CLDN10: variants seen among roughly 807,000 people sequenced by gnomAD.
CLDN10 encodes the protein claudin 10, also known as claudin-10.
CLDN10 carries 15 observed loss-of-function variants against 22.9 expected under a neutral mutation model. The ratio of observed to expected loss-of-function variants is 0.65; its 90% CI spans 0.44 to 1.01. The LOEUF (loss-of-function observed/expected upper bound fraction) is 1.01, where lower values mean the gene tolerates loss of function less well. CLDN10 is among the 50% of genes least tolerant of loss of function. The pLI, the probability that CLDN10 is intolerant of heterozygous loss-of-function variation, is 0.00. For synonymous variants in CLDN10, 114 were observed against 111.4 expected, an observed-to-expected ratio of 1.02 and a Z score of -0.15; for missense variants, 247 against 287.8, an observed-to-expected ratio of 0.86 and a Z score of 1.03.
At chr13:95,452,037 T>G (rs541912127) in intron 1 of CLDN10, among the ~76,000 whole-genome samples, 1 of 152,316 alleles carries the variant, frequency 6.6e-6, no homozygotes, top group Admixed American at 6.5e-5. Context: ...CCCTTTTATC[T>G]CTAAGGTTCA....
chr13:95,561,265 A>G (rs1486892238), intron 3 of CLDN10, among the ~76,000 whole-genome samples: 1 of 152,172 alleles, frequency 6.6e-6, no homozygotes, highest in Non-Finnish European at 1.5e-5. Flanking sequence ...TTTAGACTTC[A>G]GGTCAAATTT....
intron 1 of CLDN10, among the ~76,000 whole-genome samples, chr13:95,473,802 C>A (rs151253344): frequency 7.9e-4 from 121 of 152,320 alleles, no homozygotes; most frequent in Middle Eastern, 3.4e-3. Context: ...GAACTCATTT[C>A]ACAGAAAACC....
intron 1 of CLDN10, among the ~76,000 whole-genome samples, chr13:95,494,651 C>T (rs1272835006): frequency 1.3e-5 from 2 of 152,168 alleles, no homozygotes; most frequent in South Asian, 2.1e-4. Flanking sequence ...GTGTTAAATG[C>T]CCGTTACAAA....
intron 1 of CLDN10, among the ~76,000 whole-genome samples, chr13:95,535,667 G>A (rs1045444236): frequency 2.0e-5 from 3 of 150,218 alleles, no homozygotes; most frequent in African/African-American, 2.5e-5. Context: ...ATAGGCACAT[G>A]GGACATCAGA....
chr13:95,551,338 G>A (rs1254556284), upstream of CLDN10, among the ~76,000 whole-genome samples: 1 of 152,182 alleles, frequency 6.6e-6, no homozygotes, highest in East Asian at 1.9e-4. Flanking sequence ...TGAACTGCTG[G>A]TCCTGAAGGG....
At chr13:95,576,775 A>G (rs2043935121) in intron 3 of CLDN10, among the ~76,000 whole-genome samples, 1 of 152,228 alleles carries the variant, frequency 6.6e-6, no homozygotes, top group Non-Finnish European at 1.5e-5. Flanking sequence ...GCGATTAGTG[A>G]CGATTTGCAC....
chr13:95,535,204 T>A (rs1032986620), intron 1 of CLDN10, among the ~76,000 whole-genome samples: 3 of 152,138 alleles, frequency 2.0e-5, no homozygotes, highest in Non-Finnish European at 4.4e-5. Flanking sequence ...GATTTCATTC[T>A]GCAAGTAATG....
At position 95,525,785 on chromosome 13, in the gene CLDN10, C is replaced by A. The variant is rs111406705; in HGVS notation, c.215-34347C>A. On this transcript the variant is annotated intron_variant, in intron 1 of 4. Transcript: ENST00000376873. Reference sequence around the variant, plus strand: ...GGGATTACAGGGATGAGCTACCATGCCCAGCCCAACTTTCACTGTTGTAAG... The same window carrying A: ...GGGATTACAGGGATGAGCTACCATGACCAGCCCAACTTTCACTGTTGTAAG... 7.2e-3 allele frequency among the ~76,000 whole-genome samples: 1,099 copies of A among 152,266 alleles called. 13 individuals are homozygous for A. The highest frequency in any genetic ancestry group is 9.7e-3 in the Non-Finnish European group (657 of 68,020).
At chr13:95,453,582 G>C (rs2042452944) in intron 1 of CLDN10, among the ~76,000 whole-genome samples, 1 of 152,104 alleles carries the variant, frequency 6.6e-6, no homozygotes, top group Non-Finnish European at 1.5e-5. Context: ...TACTAGGGAG[G>C]CTCAGGCAGG....
At chr13:95,519,810 T>G (rs2043206238) in intron 1 of CLDN10, among the ~76,000 whole-genome samples, 1 of 152,204 alleles carries the variant, frequency 6.6e-6, no homozygotes, top group African/African-American at 2.4e-5. Context: ...TCTAACATAC[T>G]GGGAGCATCT....
At position 95,435,983 on chromosome 13, in the gene CLDN10, T is replaced by C. The variant is rs368937739; in HGVS notation, c.214+1936T>C. The stretch of plus-strand genomic sequence containing the variant: ...ATCTTAAAAAAAAAAAAAAGAAAAT[T>C]GTCTTAATATGTTTCATTCTGTATT... On this transcript the variant is annotated intron_variant, in intron 1 of 4. Coordinates refer to the CLDN10 transcript ENST00000376873. Among the ~76,000 whole-genome samples the C allele has an allele frequency of 1.3e-4, 19 of 151,500 alleles. 1 individual carries two copies. Among genetic ancestry groups the C allele is most frequent in the Admixed American group, 3.3e-4 (5 of 15,192 alleles).
chr13:95,564,026 G>T (rs770834106), intron 3 of CLDN10, among the ~76,000 whole-genome samples: 1 of 152,180 alleles, frequency 6.6e-6, no homozygotes. Context: ...TGATGCTTCT[G>T]GTTTTGTTTG....
At chr13:95,517,885 G>C (rs149842571) in intron 1 of CLDN10, among the ~76,000 whole-genome samples, 172 of 137,080 alleles carry the variant, frequency 1.3e-3, no homozygotes, top group South Asian at 1.6e-3. Flanking sequence ...AGTGAGCTGA[G>C]ATCGCGCCAT....
At chr13:95,498,390 C>CTCTTTTT (rs996734812) in intron 1 of CLDN10, among the ~76,000 whole-genome samples, 5 of 152,146 alleles carry the variant, frequency 3.3e-5, no homozygotes, top group African/African-American at 7.2e-5. Flanking sequence ...GGGTGATATA[C>CTCTTTTT]TCTTTTTTCT....
chr13:95,499,379 T>C (rs567656339), intron 1 of CLDN10, among the ~76,000 whole-genome samples: 1 of 152,194 alleles, frequency 6.6e-6, no homozygotes, highest in Admixed American at 6.5e-5. Flanking sequence ...CCGTCTCTAC[T>C]AAAATTACAA....
chr13:95,511,147 C>T (rs2043093225), intron 1 of CLDN10, among the ~76,000 whole-genome samples: 1 of 152,080 alleles, frequency 6.6e-6, no homozygotes, highest in Admixed American at 6.6e-5. Flanking sequence ...ATTTGACAAC[C>T]AGTTTTTCAA....
intron 1 of CLDN10, among the ~76,000 whole-genome samples, chr13:95,499,742 C>T (rs1594566893): frequency 6.6e-6 from 1 of 152,154 alleles, no homozygotes; most frequent in East Asian, 1.9e-4. Context: ...AGCAGCGGAG[C>T]CCCAACACTG....
At chr13:95,493,103 C>A (rs1171472834) in intron 1 of CLDN10, among the ~76,000 whole-genome samples, 1 of 152,056 alleles carries the variant, frequency 6.6e-6, no homozygotes, top group Admixed American at 6.5e-5. Flanking sequence ...TTTGTTCTTG[C>A]AGTTGATCTG....
intron 1 of CLDN10, among the ~76,000 whole-genome samples, chr13:95,513,201 G>C (rs2043124130): frequency 6.6e-6 from 1 of 152,172 alleles, no homozygotes; most frequent in Non-Finnish European, 1.5e-5. Context: ...TTATTAGCTT[G>C]AATTTGGAAC....
Sources: gnomAD v4.1 joint callset for allele counts (sites outside exome capture counted in the v4.1 genomes callset) on GRCh38, gnomAD v4.1.1 for gene constraint, MANE v1.5 for transcripts, NCBI Gene and HGNC (gene_info 2026-07-23, HGNC 2026-07-21) for gene names.